The following ARID4B variants were observed in gnomAD, a reference collection of about 807,000 sequenced individuals.
ARID4B encodes AT-rich interaction domain 4B.
In ARID4B, 26 loss-of-function variants were observed where a neutral mutation model predicts 147.5. That is an observed-to-expected ratio of 0.18 (90% CI 0.13 to 0.24). The LOEUF is 0.24. ARID4B is among the 10% of genes least tolerant of loss of function. The pLI is 1.00. For missense variants in ARID4B, 1,179 were observed against 1,511.5 expected, an observed-to-expected ratio of 0.78 and a Z score of 3.65; for synonymous variants, 512 against 507.9, an observed-to-expected ratio of 1.01 and a Z score of -0.11.
chr1:235,241,037 C>A (rs1340750977), intron 7 of ARID4B, among the ~76,000 whole-genome samples: 1 of 152,106 alleles, frequency 6.6e-6, no homozygotes, highest in East Asian at 1.9e-4. Flanking sequence ...ACAGAAAATC[C>A]TTTCAGTAAC....
chr1:235,252,680 C>T (rs1459024873), intron 6 of ARID4B, 50 bp downstream of exon 6: 6 of 1,538,666 alleles, frequency 3.9e-6, no homozygotes, highest in Non-Finnish European at 5.3e-6. Flanking sequence ...AAATTTATTC[C>T]TCCCAATAAA....
intron 23 of ARID4B, among the ~76,000 whole-genome samples, chr1:235,171,262 C>T (rs1337489833): frequency 6.6e-6 from 1 of 151,742 alleles, no homozygotes; most frequent in Admixed American, 6.6e-5. Flanking sequence ...ATGGTGAAAC[C>T]CCATCTCTAC....
At chr1:235,260,598 T>C in intron 3 of ARID4B, 44 bp downstream of exon 3, 1 of 1,411,182 alleles carries the variant, frequency 7.1e-7, no homozygotes, top group Non-Finnish European at 9.6e-7. Flanking sequence ...AGTTTACATA[T>C]CAAATGCTGA....
chr1:235,169,294 G>A (rs1663160993), intron 23 of ARID4B, among the ~76,000 whole-genome samples: 1 of 151,738 alleles, frequency 6.6e-6, no homozygotes, highest in South Asian at 2.1e-4. Flanking sequence ...AGGCTGGAGT[G>A]CAGTGGCTCG....
intron 23 of ARID4B, among the ~76,000 whole-genome samples, chr1:235,169,771 C>T (rs1265190483): frequency 6.6e-6 from 1 of 151,816 alleles, no homozygotes; most frequent in Non-Finnish European, 1.5e-5. Flanking sequence ...AAGCAATTTT[C>T]CTGTCTCAGC....
chr1:235,267,820 C>CATGAACCTGGG (rs1670709518), intron 2 of ARID4B, among the ~76,000 whole-genome samples: 1 of 151,958 alleles, frequency 6.6e-6, no homozygotes, highest in African/African-American at 2.4e-5. Context: ...AGGAGAATGG[C>CATGAACCTGGG]ATGAACCTGG....
intron 2 of ARID4B, among the ~76,000 whole-genome samples, chr1:235,286,087 T>C (rs572465469): frequency 1.1e-3 from 165 of 151,858 alleles, no homozygotes; most frequent in Non-Finnish European, 1.9e-3. Context: ...CCCTCTGTTA[T>C]TCAAGCTGAG....
intron 10 of ARID4B, among the ~76,000 whole-genome samples, chr1:235,230,717 T>C (rs1668162299): frequency 6.7e-6 from 1 of 149,248 alleles, no homozygotes; most frequent in Admixed American, 6.7e-5. Context: ...AGCTCAGGAG[T>C]TCGAGACCGG....
At position 235,213,993 on chromosome 1, in the gene ARID4B, A is replaced by T; in HGVS notation, c.1617T>A (p.Asp539Glu). 1 of 1,589,994 alleles carries T rather than the reference A, an allele frequency of 6.3e-7. No homozygotes were observed. The highest frequency in any genetic ancestry group is 8.6e-7 in the Non-Finnish European group (1 of 1,158,902). Residue 539 changes from aspartate (D) to glutamate (E), a missense_variant, in exon 17 of 24, where the codon GAT becomes GAA. By Grantham distance (45) the Asp-to-Glu change is conservative. Around this residue, in one of 10 missense-constraint regions of ARID4B, gnomAD observed 204 missense variants for 210.9 expected, o/e 0.97. Coordinates refer to ENST00000264183, the MANE Select transcript of ARID4B (RefSeq NM_016374.6). ...DETNKEEDEDDEEAEEEEEEE... is the reference protein window; with the variant it reads ...DETNKEEDEDEEEAEEEEEEE... Reference sequence around the variant, plus strand: ...CCTCCTCCTCCTCTTCTGCTTCTTCATCATCTTCATCTTCTTCTTTATTCG... The same window carrying T: ...CCTCCTCCTCCTCTTCTGCTTCTTCTTCATCTTCATCTTCTTCTTTATTCG...
chr1:235,247,434 C>T (rs1669366323), intron 6 of ARID4B, among the ~76,000 whole-genome samples: 1 of 151,980 alleles, frequency 6.6e-6, no homozygotes, highest in Admixed American at 6.6e-5. Flanking sequence ...AAAAGATGAA[C>T]CATATTAACA....
chr1:235,252,654 T>C, intron 6 of ARID4B, 76 bp downstream of exon 6: 3 of 1,252,986 alleles, frequency 2.4e-6, no homozygotes, highest in East Asian at 2.3e-5. Context: ...GTAGGTTTAC[T>C]GAGTTGAGAA....
chr1:235,274,509 G>A (rs539302562), intron 2 of ARID4B, among the ~76,000 whole-genome samples: 1 of 152,198 alleles, frequency 6.6e-6, no homozygotes, highest in South Asian at 2.1e-4. Context: ...TTAGCTCTCT[G>A]TATGAAATGA....
chr1:235,302,957 G>A (rs12724089), intron 2 of ARID4B, among the ~76,000 whole-genome samples: 43,556 of 150,486 alleles, frequency 0.29, 7,497 homozygotes, highest in South Asian at 0.53. Flanking sequence ...ACGGAGTCTC[G>A]CTCTGTCGCC....
chr1:235,283,416 A>T (rs1332491216), intron 2 of ARID4B, among the ~76,000 whole-genome samples: 1 of 152,220 alleles, frequency 6.6e-6, no homozygotes, highest in African/African-American at 2.4e-5. Context: ...ACTATGTTTT[A>T]AGAAATACAC....
rs150967012 is a variant in ARID4B at position 235,240,560 on chromosome 1, A to T, written c.447-109T>A. On this transcript the variant is annotated intron_variant, in intron 7 of 23. Coordinates refer to ENST00000264183, the MANE Select transcript of ARID4B (RefSeq NM_016374.6). ...TCTTATTACATTTCCTAAGACCTGT[A>T]AAATGGCTAATTTAAATCTTAAATC... 92 of 977,536 alleles carry T rather than the reference A, an allele frequency of 9.4e-5. No homozygotes were observed. In the African/African-American group the frequency reaches 1.4e-3, roughly 15 times the overall value. The allele number at this position is 977,536 out of a possible 1,614,324, so 60.6% of individuals were successfully genotyped here.
At chr1:235,289,842 TCATA>T (rs1672216283) in intron 2 of ARID4B, among the ~76,000 whole-genome samples, 1 of 152,098 alleles carries the variant, frequency 6.6e-6, no homozygotes. Context: ...TCATACTCAT[TCATA>T]AATTCGATGT....
chr1:235,313,271 C>G (rs1020277407), intron 2 of ARID4B, among the ~76,000 whole-genome samples: 3 of 152,156 alleles, frequency 2.0e-5, no homozygotes, highest in Non-Finnish European at 4.4e-5. Flanking sequence ...CTCAAGTAAT[C>G]TGCCAGCCTC....
chr1:235,233,847 G>A (rs183407086), intron 9 of ARID4B, among the ~76,000 whole-genome samples: 12 of 152,312 alleles, frequency 7.9e-5, no homozygotes, highest in Admixed American at 5.9e-4. Flanking sequence ...TTTGGGGTTC[G>A]AGGCGGGCAG....
intron 2 of ARID4B, among the ~76,000 whole-genome samples, chr1:235,291,732 A>G (rs1364259446): frequency 2.6e-5 from 4 of 152,176 alleles, no homozygotes; most frequent in Non-Finnish European, 5.9e-5. Context: ...TGTCTTAAAA[A>G]AACAAAAACA....
Sources: allele counts gnomAD v4.1 joint callset (sites outside exome capture counted in the v4.1 genomes callset), GRCh38; gene constraint gnomAD v4.1.1; regional missense constraint gnomAD v4.1.1; transcripts MANE v1.5; gene names NCBI Gene and HGNC (gene_info 2026-07-23, HGNC 2026-07-21).